The following SIPA1L1 variants were observed in gnomAD, a reference collection of about 807,000 sequenced individuals.
SIPA1L1 encodes signal-induced proliferation-associated 1-like protein 1.
Under a neutral mutation model 162.7 loss-of-function variants are expected in SIPA1L1, and 26 were observed. That is an observed-to-expected ratio of 0.16 (90% CI 0.12 to 0.22). The LOEUF (loss-of-function observed/expected upper bound fraction) is 0.22, where lower values mean the gene tolerates loss of function less well. Among genes scored for constraint, SIPA1L1 ranks in the 10% least tolerant of loss-of-function variants. The pLI is 1.00. For missense variants in SIPA1L1, 1,874 were observed against 2,241.0 expected (o/e 0.84, Z 3.31); for synonymous variants, 829 against 837.4 (o/e 0.99, Z 0.17).
At chr14:71,537,698 CT>C (rs938082111) in intron 4 of SIPA1L1, among the ~76,000 whole-genome samples, 69 of 147,236 alleles carry the variant, frequency 4.7e-4, no homozygotes, top group Admixed American at 2.2e-3. Context: ...CTCTCTCTCT[CT>C]TTTTTTTTTT....
intron 2 of SIPA1L1, among the ~76,000 whole-genome samples, chr14:71,387,401 A>T (rs2040424124): frequency 6.6e-6 from 1 of 152,170 alleles, no homozygotes; most frequent in African/African-American, 2.4e-5. Flanking sequence ...CCTTGAGCAC[A>T]GGAGTTCAAG....
chr14:71,499,886 G>T (rs2050069483), intron 2 of SIPA1L1, among the ~76,000 whole-genome samples: 1 of 152,150 alleles, frequency 6.6e-6, no homozygotes. Context: ...GGAGGTCATT[G>T]ATATGTGTCC....
intron 4 of SIPA1L1, among the ~76,000 whole-genome samples, chr14:71,539,867 T>A (rs2054226532): frequency 6.6e-6 from 1 of 152,192 alleles, no homozygotes; most frequent in South Asian, 2.1e-4. Context: ...TTAAATCTAT[T>A]ACTGTAGCTA....
At chr14:71,504,387 TCA>T (rs940956393) in intron 2 of SIPA1L1, among the ~76,000 whole-genome samples, 7 of 152,326 alleles carry the variant, frequency 4.6e-5, no homozygotes, top group Non-Finnish European at 7.3e-5. Context: ...GGTGAAATGT[TCA>T]CAGTTTCCTA....
chr14:71,349,964 G>A (rs896304832), intron 2 of SIPA1L1, among the ~76,000 whole-genome samples: 4 of 152,196 alleles, frequency 2.6e-5, no homozygotes, highest in African/African-American at 4.8e-5. Flanking sequence ...TTGAAGAGGT[G>A]ATACTGCTTC....
At chr14:71,509,604 T>C (rs2050949743) in intron 2 of SIPA1L1, among the ~76,000 whole-genome samples, 1 of 151,380 alleles carries the variant, frequency 6.6e-6, no homozygotes, top group Admixed American at 6.6e-5. Flanking sequence ...ATTAGCTGGG[T>C]GTGGTGGCAG....
intron 4 of SIPA1L1, among the ~76,000 whole-genome samples, chr14:71,555,518 G>T (rs1342747161): frequency 6.6e-6 from 1 of 152,284 alleles, no homozygotes; most frequent in Admixed American, 6.5e-5. Context: ...TCAGCAGTAA[G>T]GCTGTTTTGC....
chr14:71,695,053 A>G (rs568141946), intron 13 of SIPA1L1, among the ~76,000 whole-genome samples: 11 of 152,358 alleles, frequency 7.2e-5, no homozygotes, highest in East Asian at 5.8e-4. Context: ...GCCTCAGGCT[A>G]TCTCTTCAGA....
chr14:71,374,312 A>G (rs902714516), intron 2 of SIPA1L1, among the ~76,000 whole-genome samples: 3 of 152,072 alleles, frequency 2.0e-5, no homozygotes, highest in African/African-American at 4.8e-5. Context: ...GTAAGAGTTA[A>G]TTTTTTGTAA....
intron 4 of SIPA1L1, among the ~76,000 whole-genome samples, chr14:71,550,419 C>T (rs554683738): frequency 2.2e-4 from 33 of 152,180 alleles, no homozygotes; most frequent in African/African-American, 5.8e-4. Context: ...TGTTAGCTCA[C>T]TGAAAACATC....
chr14:71,609,400 C>T (rs1215303647), intron 5 of SIPA1L1, among the ~76,000 whole-genome samples: 1 of 152,068 alleles, frequency 6.6e-6, no homozygotes, highest in East Asian at 1.9e-4. Flanking sequence ...TCCCAAATGA[C>T]TGGGACTACA....
At chr14:71,679,270 G>C (rs1430320508) in intron 12 of SIPA1L1, among the ~76,000 whole-genome samples, 1 of 152,078 alleles carries the variant, frequency 6.6e-6, no homozygotes, top group African/African-American at 2.4e-5. Flanking sequence ...AGAAAGTGGG[G>C]GCCAATATTC....
At chr14:71,662,319 A>T (rs1305159340) in intron 10 of SIPA1L1, among the ~76,000 whole-genome samples, 1 of 152,236 alleles carries the variant, frequency 6.6e-6, no homozygotes, top group Non-Finnish European at 1.5e-5. Context: ...GAAAAAAAAC[A>T]AGTAGAGGTT....
At chr14:71,579,747 A>G (rs1467627224) in intron 4 of SIPA1L1, among the ~76,000 whole-genome samples, 1 of 152,202 alleles carries the variant, frequency 6.6e-6, no homozygotes, top group East Asian at 1.9e-4. Flanking sequence ...ATGTTCACCC[A>G]TTGTTCTTAT....
At chr14:71,710,149 TTG>T (rs2082757876) in intron 17 of SIPA1L1, among the ~76,000 whole-genome samples, 3 of 152,232 alleles carry the variant, frequency 2.0e-5, no homozygotes, top group African/African-American at 7.2e-5. Context: ...GATATTTACA[TTG>T]TAACTTTTTT....
chr14:71,433,393 C>T (rs1047148989), intron 2 of SIPA1L1, among the ~76,000 whole-genome samples: 8 of 152,194 alleles, frequency 5.3e-5, no homozygotes, highest in African/African-American at 1.4e-4. Context: ...CACAGTTCAC[C>T]ATGGCCTCAA....
chr14:71,636,842 A>T lies in SIPA1L1; in HGVS notation c.1818+12606A>T, dbSNP rs1454088011. Among the ~76,000 whole-genome samples, 3 of 152,190 alleles carry T rather than the reference A, an allele frequency of 2.0e-5. No homozygotes were observed. In the South Asian group the frequency reaches 6.2e-4, roughly 32 times the overall value. ...AGATCACTTGCGATCAGGTGAGTGG[A>T]TCACTTGAGACCAGCCTGGCCAACA... On this transcript the variant is annotated intron_variant, in intron 7 of 23. Transcript: ENST00000381232.
intron 2 of SIPA1L1, among the ~76,000 whole-genome samples, chr14:71,413,685 T>A (rs1162912112): frequency 6.6e-6 from 1 of 151,874 alleles, no homozygotes; most frequent in Non-Finnish European, 1.5e-5. Context: ...TGCAGTGAGC[T>A]GAGATCTTGC....
chr14:71,587,484 T>C (rs2147534637), intron 4 of SIPA1L1, 87 bp from the exon 5 acceptor site: 2 of 400,736 alleles, frequency 5.0e-6, no homozygotes, highest in East Asian at 3.6e-5. Context: ...ATTGAGTCTT[T>C]TATCTTCATG....
Sources: gnomAD v4.1 joint callset for allele counts (sites outside exome capture counted in the v4.1 genomes callset) on GRCh38, gnomAD v4.1.1 for gene constraint, MANE v1.5 for transcripts, NCBI Gene and HGNC (gene_info 2026-07-23, HGNC 2026-07-21) for gene names.